Variants in RMI1 observed in about 807,000 individuals in gnomAD.
The protein encoded by RMI1 is RecQ mediated genome instability 1.
A neutral mutation model predicts 46.7 loss-of-function variants in RMI1; 36 were observed. The observed-to-expected ratio is 0.77, with a 90% confidence interval of 0.59 to 1.02. RMI1 has a LOEUF of 1.02. Ranked by LOEUF, RMI1 falls within the 50% of genes least tolerant of loss-of-function variation. RMI1 has a pLI of 0.00. For synonymous variants in RMI1, 250 were observed against 252.9 expected, an observed-to-expected ratio of 0.99 and a Z score of 0.11; for missense variants, 676 against 713.7, an observed-to-expected ratio of 0.95 and a Z score of 0.60.
chr9:83,985,775 G>A (rs1356706320), intron 1 of RMI1, among the ~76,000 whole-genome samples: 4 of 152,204 alleles, frequency 2.6e-5, no homozygotes, highest in Non-Finnish European at 4.4e-5. Context: ...TTGGGAGGCC[G>A]AGGCGGGTGG....
chr9:83,996,956 A>ACCT (rs1021799494), intron 1 of RMI1, among the ~76,000 whole-genome samples: 22 of 151,982 alleles, frequency 1.4e-4, no homozygotes, highest in Non-Finnish European at 1.5e-5. Flanking sequence ...ATAACAGAGT[A>ACCT]AACATCATAT....
At chr9:83,995,971 A>G (rs769683030) in intron 1 of RMI1, among the ~76,000 whole-genome samples, 31 of 152,266 alleles carry the variant, frequency 2.0e-4, no homozygotes, top group Non-Finnish European at 4.0e-4. Context: ...AAAGAGATAA[A>G]AAAAAAATTA....
intron 1 of RMI1, among the ~76,000 whole-genome samples, chr9:83,988,916 G>A (rs1957529713): frequency 6.6e-6 from 1 of 152,024 alleles, no homozygotes; most frequent in Non-Finnish European, 1.5e-5. Flanking sequence ...GAATGCAGTG[G>A]TGTGACCTTG....
chr9:84,002,039 A>G lies in RMI1; in HGVS notation c.1053A>G (p.Arg351=), dbSNP rs557247479. 5.6e-6 allele frequency: 9 copies of G among 1,613,904 alleles called. No homozygotes were observed. In the Admixed American group the frequency reaches 6.7e-5, roughly 12 times the overall value. The part of the protein sequence containing the change: ...FNRNADRSIE[R]FSHNPNTTNN... ...GAAATGCCGATCGAAGTATAGAGAGATTTTCACATAATCCTAATACTACGA... is the reference window on the plus strand; with the variant it reads ...GAAATGCCGATCGAAGTATAGAGAGGTTTTCACATAATCCTAATACTACGA... The change falls in exon 3 of 3, where the codon AGA becomes AGG. Residue 351 remains arginine, a synonymous_variant. Coordinates refer to ENST00000445877, the MANE Select transcript of RMI1 (RefSeq NM_001358291.2).
intron 1 of RMI1, among the ~76,000 whole-genome samples, chr9:83,983,155 C>G (rs759591277): frequency 4.6e-5 from 7 of 152,212 alleles, no homozygotes; most frequent in Non-Finnish European, 7.3e-5. Context: ...CCACTGTGTG[C>G]TAAACGTTGT....
chr9:83,980,727 C>G (rs1957356466), upstream of RMI1: 1 of 152,284 alleles, frequency 6.6e-6, no homozygotes, highest in Non-Finnish European at 1.5e-5. Context: ...GGGGCGTTTT[C>G]CAGCCCCGAA....
At chr9:83,981,020 C>T (rs963678517) in intron 1 of RMI1, 129 bp downstream of exon 1, 1 of 152,402 alleles carries the variant, frequency 6.6e-6, no homozygotes, top group Non-Finnish European at 1.5e-5. Flanking sequence ...TGCGGGCCGT[C>T]TGCGTCCGCT....
At chr9:83,987,955 G>A (rs1189274560) in intron 1 of RMI1, among the ~76,000 whole-genome samples, 2 of 151,906 alleles carry the variant, frequency 1.3e-5, no homozygotes, top group Non-Finnish European at 2.9e-5. Flanking sequence ...GTGCAAACAC[G>A]GCTCACTGCA....
At position 84,001,536 on chromosome 9, in the gene RMI1, C is replaced by T. The variant is rs578261023; in HGVS notation, c.550C>T (p.Pro184Ser). ...SFRLGVLLLKPENVKVLGGEV... is the reference protein window; with the variant it reads ...SFRLGVLLLKSENVKVLGGEV... ...CCGTCTTGGTGTTCTCTTATTGAAACCAGAAAACGTGAAAGTGTTAGGAGG... is the reference window on the plus strand; with the variant it reads ...CCGTCTTGGTGTTCTCTTATTGAAATCAGAAAACGTGAAAGTGTTAGGAGG... Residue 184 changes from proline to serine, a missense_variant, in exon 3 of 3, where the codon CCA becomes TCA. Physicochemically the swap from Pro to Ser is moderately conservative, Grantham distance 74. Coordinates refer to ENST00000445877, the MANE Select transcript of RMI1 (RefSeq NM_001358291.2). The T allele has an allele frequency of 3.1e-6, 5 of 1,613,674 alleles. No homozygotes were observed. The highest frequency in any genetic ancestry group is 1.6e-4 in the Middle Eastern group (1 of 6,062).
At position 83,983,552 on chromosome 9, in the gene RMI1, A is replaced by G. The variant is rs756879093; in HGVS notation, c.-126+2661A>G. Among the ~76,000 whole-genome samples, 15 of 152,270 alleles carry G rather than the reference A, an allele frequency of 9.9e-5. No individual in the cohort carries two copies. In the South Asian group the frequency reaches 1.4e-3, roughly 15 times the overall value. On this transcript the variant is annotated intron_variant, in intron 1 of 2. Transcript: ENST00000445877. ...TCGTTAGTGCTTTTAAGTCTCAGCTATTGTCAGAATGACACACGTAAGGTC... is the reference window on the plus strand; with the variant it reads ...TCGTTAGTGCTTTTAAGTCTCAGCTGTTGTCAGAATGACACACGTAAGGTC...
At chr9:83,990,791 C>T (rs1394350520) in intron 1 of RMI1, among the ~76,000 whole-genome samples, 1 of 151,844 alleles carries the variant, frequency 6.6e-6, no homozygotes, top group Non-Finnish European at 1.5e-5. Context: ...TGTTTTCTTT[C>T]TTTCTTTCTT....
At position 84,001,382 on chromosome 9, in the gene RMI1, A is replaced by G. The variant is rs1242364478; in HGVS notation, c.396A>G (p.Ser132=). ...CAAAACCTTGGGAAGCAAAGCCTTC[A>G]CGAATGTTGATGCTGCAGCTAACTG... ...VTPKPWEAKP[S]RMLMLQLTDG... The change falls in exon 3 of 3, where the codon TCA becomes TCG. Residue 132 remains serine (S), a synonymous_variant. Coordinates refer to ENST00000445877, the MANE Select transcript of RMI1 (RefSeq NM_001358291.2). 1.2e-6 allele frequency: 2 copies of G among 1,614,052 alleles called. No individual in the cohort carries two copies. Among genetic ancestry groups the G allele is most frequent in the Non-Finnish European group, 8.5e-7 (1 of 1,180,008 alleles).
chr9:83,997,107 C>CTTTTTTT (rs375763717), intron 1 of RMI1, among the ~76,000 whole-genome samples: 5 of 92,416 alleles, frequency 5.4e-5, no homozygotes, highest in African/African-American at 1.1e-4. Context: ...AACACCCCCC[C>CTTTTTTT]CTTTTTTTTT....
Position 84,000,974 on chromosome 9 carries a change from T to C in RMI1, c.-13T>C, listed in dbSNP as rs745965528. ...AGGTAATAGATGCATATTATTTCTT[T>C]TATTTAAAAGAAATGAATGTGACTA... On this transcript the variant is annotated 5_prime_UTR_variant, in exon 3 of 3. Coordinates refer to ENST00000445877, the MANE Select transcript of RMI1 (RefSeq NM_001358291.2). 2.6e-6 allele frequency: 4 copies of C among 1,554,424 alleles called. No individual in the cohort carries two copies. The Admixed American group carries it at 8.5e-5, about 33-fold the overall frequency.
At chr9:83,987,962 T>A (rs1018485604) in intron 1 of RMI1, among the ~76,000 whole-genome samples, 1 of 152,150 alleles carries the variant, frequency 6.6e-6, no homozygotes, top group African/African-American at 2.4e-5. Flanking sequence ...CACGGCTCAC[T>A]GCAGCCTCAA....
intron 2 of RMI1, 56 bp from the exon 3 acceptor site, chr9:84,000,895 A>C (rs1957726865): frequency 1.1e-6 from 1 of 876,560 alleles, no homozygotes; most frequent in Non-Finnish European, 1.7e-6. Context: ...AGAGAATTAC[A>C]GAAGCTGTAT....
intron 1 of RMI1, among the ~76,000 whole-genome samples, chr9:83,982,494 T>G (rs544472229): frequency 6.6e-6 from 1 of 151,684 alleles, no homozygotes; most frequent in African/African-American, 2.4e-5. Context: ...AAACCCCGTC[T>G]CTACTAAAAA....
chr9:84,001,275 C>A lies in RMI1; in HGVS notation c.289C>A (p.Gln97Lys). The A allele has an allele frequency of 6.2e-7, 1 of 1,614,072 alleles. No homozygotes were observed. The highest frequency in any genetic ancestry group is 8.5e-7 in the Non-Finnish European group (1 of 1,179,982). ...GATTAATTCCTTGGTTGATGTAAGT[C>A]AGCCTGCATACTCCCAGATACAGAA... is the stretch of plus-strand genomic sequence containing the variant. ...LQINSLVDVS[Q>K]PAYSQIQKLR... Residue 97 changes from glutamine (Q) to lysine (K), a missense_variant, in exon 3 of 3, where the codon CAG becomes AAG. Gln to Lys is a moderately conservative substitution (Grantham distance 53). Coordinates refer to ENST00000445877, the MANE Select transcript of RMI1 (RefSeq NM_001358291.2).
intron 1 of RMI1, among the ~76,000 whole-genome samples, chr9:83,996,446 G>T (rs1428160282): frequency 2.0e-5 from 3 of 152,144 alleles, no homozygotes; most frequent in African/African-American, 7.2e-5. Flanking sequence ...CCCTTTTCCT[G>T]GGGGCTGCAC....
Sources: allele counts gnomAD v4.1 joint callset (sites outside exome capture counted in the v4.1 genomes callset), GRCh38; gene constraint gnomAD v4.1.1; transcripts MANE v1.5; gene names NCBI Gene and HGNC (gene_info 2026-07-23, HGNC 2026-07-21).